The following SDK1 variants were observed in gnomAD, a reference collection of about 807,000 sequenced individuals.
SDK1 encodes the protein protein sidekick-1.
SDK1 carries 157 observed loss-of-function variants against 245.5 expected under a neutral mutation model. That is an observed-to-expected ratio of 0.64 (90% confidence interval 0.56 to 0.73). The LOEUF is 0.73. Among genes scored for constraint, SDK1 ranks in the 30% least tolerant of loss-of-function variants. The probability of loss-of-function intolerance (pLI) is 0.00; values close to 1 mark genes in which losing one functional copy is unlikely to be tolerated. For synonymous variants in SDK1, 1,647 were observed against 1,278.5 expected (o/e 1.29, Z -6.15); for missense variants, 3,583 against 3,002.3 (o/e 1.19, Z -4.52).
At chr7:3,741,823 C>A (rs1369308325) in intron 4 of SDK1, among the ~76,000 whole-genome samples, 1 of 152,082 alleles carries the variant, frequency 6.6e-6, no homozygotes, top group Non-Finnish European at 1.5e-5. Flanking sequence ...TTCACACACA[C>A]ACACATAGAT....
At chr7:3,901,071 T>TC (rs1212204175) in intron 5 of SDK1, among the ~76,000 whole-genome samples, 1 of 152,246 alleles carries the variant, frequency 6.6e-6, no homozygotes, top group Non-Finnish European at 1.5e-5. Context: ...TTTCATTTTT[T>TC]CTCAACATTG....
intron 5 of SDK1, among the ~76,000 whole-genome samples, chr7:3,904,729 C>T (rs1405031009): frequency 2.0e-5 from 3 of 151,826 alleles, no homozygotes; most frequent in South Asian, 2.1e-4. Flanking sequence ...CACGGTGGCT[C>T]ACGCCTGTAA....
chr7:3,451,263 C>A (rs1046986227), intron 1 of SDK1, among the ~76,000 whole-genome samples: 1 of 151,440 alleles, frequency 6.6e-6, no homozygotes, highest in African/African-American at 2.4e-5. Context: ...GAGACAAGCC[C>A]GGAGTTCCAG....
intron 4 of SDK1, among the ~76,000 whole-genome samples, chr7:3,696,043 C>G (rs1423393312): frequency 6.6e-6 from 1 of 152,164 alleles, no homozygotes; most frequent in South Asian, 2.1e-4. Flanking sequence ...GCCTCTTCTC[C>G]GCGTTCCGGT....
At chr7:3,496,268 G>A (rs958805343) in intron 1 of SDK1, among the ~76,000 whole-genome samples, 2 of 152,012 alleles carry the variant, frequency 1.3e-5, no homozygotes, top group African/African-American at 4.8e-5. Context: ...GATAGTGTCT[G>A]GTGTGGAAGC....
At chr7:3,884,122 G>A (rs34730154) in intron 5 of SDK1, among the ~76,000 whole-genome samples, 6 of 148,178 alleles carry the variant, frequency 4.0e-5, no homozygotes, top group Non-Finnish European at 4.5e-5. Flanking sequence ...GCTGTGTCAC[G>A]CAGGCTGGAG....
chr7:4,154,743 C>A (rs1162350197), intron 30 of SDK1, among the ~76,000 whole-genome samples: 1 of 152,168 alleles, frequency 6.6e-6, no homozygotes, highest in Non-Finnish European at 1.5e-5. Context: ...CACTGACTTG[C>A]TCCAGTGAGT....
chr7:4,144,210 G>A (rs1043744842), intron 28 of SDK1, among the ~76,000 whole-genome samples: 1 of 152,170 alleles, frequency 6.6e-6, no homozygotes, highest in East Asian at 1.9e-4. Flanking sequence ...CAGTGACTGG[G>A]AAGGAACAGG....
At chr7:3,502,228 T>A (rs1026608746) in intron 1 of SDK1, among the ~76,000 whole-genome samples, 1 of 151,782 alleles carries the variant, frequency 6.6e-6, no homozygotes, top group Non-Finnish European at 1.5e-5. Flanking sequence ...CAAAGATTTT[T>A]TTTTAATTAA....
At chr7:4,097,243 G>A (rs944056661) in intron 22 of SDK1, among the ~76,000 whole-genome samples, 4 of 97,464 alleles carry the variant, frequency 4.1e-5, no homozygotes, top group Admixed American at 3.7e-4. Flanking sequence ...GGCTCACCTG[G>A]GTCAGGAAGC....
chr7:3,569,474 C>G (rs1176237882), intron 1 of SDK1, among the ~76,000 whole-genome samples: 2 of 152,252 alleles, frequency 1.3e-5, no homozygotes, highest in African/African-American at 4.8e-5. Flanking sequence ...GAGGAGAGCA[C>G]TGTGATTGAA....
intron 1 of SDK1, among the ~76,000 whole-genome samples, chr7:3,559,545 T>G (rs1023766928): frequency 3.9e-5 from 6 of 152,324 alleles, no homozygotes; most frequent in African/African-American, 1.4e-4. Context: ...ATCAGCTTCC[T>G]CAGATGTAGT....
At chr7:4,075,741 G>A (rs1056384363) in intron 20 of SDK1, among the ~76,000 whole-genome samples, 4 of 150,642 alleles carry the variant, frequency 2.7e-5, no homozygotes, top group Admixed American at 6.7e-5. Flanking sequence ...TGCAACCTCC[G>A]CCTCCCAGGT....
At chr7:3,983,323 C>A (rs147082261) in intron 13 of SDK1, among the ~76,000 whole-genome samples, 1 of 152,114 alleles carries the variant, frequency 6.6e-6, no homozygotes, top group Non-Finnish European at 1.5e-5. Context: ...TCCGTTGATG[C>A]GCCAGGCTTC....
intron 4 of SDK1, among the ~76,000 whole-genome samples, chr7:3,724,667 T>C (rs1484945597): frequency 3.3e-5 from 5 of 152,208 alleles, no homozygotes; most frequent in African/African-American, 1.2e-4. Flanking sequence ...TGCCTGGTCC[T>C]TGGGTTGCTG....
Position 4,150,407 on chromosome 7 carries a change from C to G in SDK1, c.4625+944C>G, listed in dbSNP as rs547476328. The stretch of plus-strand genomic sequence containing the variant: ...CCAATGACTAAGAGGGTAGAGGGGC[C>G]AAGACGGTTGTCTCCAGGCTGGCCG... On this transcript the variant is annotated intron_variant, in intron 30 of 44. Coordinates refer to ENST00000404826, the MANE Select transcript of SDK1 (RefSeq NM_152744.4). Among the ~76,000 whole-genome samples the G allele has an allele frequency of 4.6e-5, 7 of 152,314 alleles. No homozygotes were observed. The East Asian group carries it at 1.4e-3, about 29-fold the overall frequency.
At chr7:3,908,613 C>G (rs1311537555) in intron 5 of SDK1, among the ~76,000 whole-genome samples, 1 of 152,158 alleles carries the variant, frequency 6.6e-6, no homozygotes, top group Non-Finnish European at 1.5e-5. Context: ...AAATATTCCG[C>G]AAGTACTCAT....
intron 5 of SDK1, among the ~76,000 whole-genome samples, chr7:3,864,514 C>A (rs892343424): frequency 6.6e-6 from 1 of 152,166 alleles, no homozygotes. Context: ...AACTAATACA[C>A]GGATATTAGA....
intron 22 of SDK1, among the ~76,000 whole-genome samples, chr7:4,083,023 G>T (rs1402564883): frequency 6.6e-6 from 1 of 151,986 alleles, no homozygotes; most frequent in African/African-American, 2.4e-5. Context: ...TAGGATTCAC[G>T]CAGGGTTCAC....
Sources: allele counts gnomAD v4.1 joint callset (sites outside exome capture counted in the v4.1 genomes callset), GRCh38; gene constraint gnomAD v4.1.1; transcripts MANE v1.5; gene names NCBI Gene and HGNC (gene_info 2026-07-23, HGNC 2026-07-21).